The following TENM4 variants were observed in gnomAD, a reference collection of about 807,000 sequenced individuals.
TENM4 encodes the protein teneurin transmembrane protein 4, also known as teneurin-4.
A neutral mutation model predicts 243.3 loss-of-function variants in TENM4; 82 were observed. That is an observed-to-expected ratio of 0.34 (90% confidence interval 0.28 to 0.40). TENM4 has a LOEUF of 0.40. Among genes scored for constraint, TENM4 ranks in the 10% least tolerant of loss-of-function variants. The pLI is 1.00. For synonymous variants in TENM4, 1,412 were observed against 1,456.3 expected (o/e 0.97, Z 0.69); for missense variants, 3,138 against 3,673.3 (o/e 0.85, Z 3.77).
At chr11:79,116,421 A>C (rs564032385) in intron 4 of TENM4, among the ~76,000 whole-genome samples, 1 of 152,348 alleles carries the variant, frequency 6.6e-6, no homozygotes, top group South Asian at 2.1e-4. Context: ...GACAGATGCC[A>C]AATGCATGCT....
intron 2 of TENM4, among the ~76,000 whole-genome samples, chr11:79,228,510 C>T (rs959276364): frequency 2.0e-5 from 3 of 152,154 alleles, no homozygotes; most frequent in African/African-American, 4.8e-5. Context: ...CTTGCCACCT[C>T]GCCATCCCCA....
intron 21 of TENM4, among the ~76,000 whole-genome samples, chr11:78,730,369 T>C (rs565021858): frequency 2.0e-4 from 30 of 152,276 alleles, no homozygotes; most frequent in Middle Eastern, 6.8e-3. Flanking sequence ...CTACGAGATG[T>C]TGACCAAACA....
intron 4 of TENM4, among the ~76,000 whole-genome samples, chr11:79,135,825 T>C (rs1862100200): frequency 6.8e-6 from 1 of 148,012 alleles, no homozygotes; most frequent in Non-Finnish European, 1.5e-5. Context: ...TTCCATCATA[T>C]ATATCATATA....
chr11:79,093,814 A>T (rs1254736832), intron 4 of TENM4: 1 of 152,238 alleles, frequency 6.6e-6, no homozygotes, highest in Non-Finnish European at 1.5e-5. Context: ...TCTCAACTCA[A>T]TAAACACTAA....
chr11:79,190,078 C>T (rs187339703), intron 3 of TENM4, among the ~76,000 whole-genome samples: 26 of 152,344 alleles, frequency 1.7e-4, no homozygotes, highest in Non-Finnish European at 3.1e-4. Context: ...CTTCTCTGTG[C>T]TCCTACTGCA....
intron 1 of TENM4, among the ~76,000 whole-genome samples, chr11:79,319,835 CA>C (rs1391197357): frequency 6.6e-6 from 1 of 152,146 alleles, no homozygotes; most frequent in East Asian, 1.9e-4. Flanking sequence ...GCTAAGCCAG[CA>C]GCCCTCCAAC....
intron 6 of TENM4, among the ~76,000 whole-genome samples, chr11:79,004,390 G>T (rs79805369): frequency 6.6e-6 from 1 of 151,830 alleles, no homozygotes; most frequent in Non-Finnish European, 1.5e-5. Flanking sequence ...CACAATCATC[G>T]GCAAATTAAG....
intron 3 of TENM4, among the ~76,000 whole-genome samples, chr11:79,161,168 T>G (rs1041708339): frequency 6.6e-6 from 1 of 152,224 alleles, no homozygotes; most frequent in African/African-American, 2.4e-5. Context: ...CAAGCTTCTT[T>G]TATGCTTTGG....
In TENM4 at chr11:78,834,962, T is replaced by C. The variant is rs1467044995; in HGVS notation, c.1681+19142A>G. ...TACCTCCCTCAGCAGGGGCTCAGCATTCCGTGTCTCCACACTGCTAACTCC... is the reference window on the plus strand; with the variant it reads ...TACCTCCCTCAGCAGGGGCTCAGCACTCCGTGTCTCCACACTGCTAACTCC... On this transcript the variant is annotated intron_variant, in intron 12 of 33. Transcript: ENST00000278550. Among the ~76,000 whole-genome samples, 3 of 152,202 alleles carry C rather than the reference T, an allele frequency of 2.0e-5. No individual in the cohort carries two copies. The East Asian group carries it at 5.8e-4, about 29-fold the overall frequency.
rs141130337 is a variant in TENM4 at position 78,732,816 on chromosome 11, T to G, written c.2877-239A>C. Among the ~76,000 whole-genome samples, 685 of 152,340 alleles carry G rather than the reference T, an allele frequency of 4.5e-3. 2 individuals are homozygous for G. The highest frequency in any genetic ancestry group is 0.016 in the African/African-American group (650 of 41,584). On this transcript the variant is annotated intron_variant, in intron 20 of 33. Transcript: ENST00000278550. ...TAGAGAATTTGCTGAAATGAACCAC[T>G]GCTGTGGAGAGCCATTTTTCAGGAT...
intron 26 of TENM4, 85 bp from the exon 27 acceptor site, chr11:78,708,600 G>A: frequency 6.8e-7 from 1 of 1,470,408 alleles, no homozygotes; most frequent in Non-Finnish European, 9.2e-7. Flanking sequence ...AACTGACAGA[G>A]CACCTCCTCT....
chr11:79,333,668 G>C (rs1857098423), intron 1 of TENM4, among the ~76,000 whole-genome samples: 1 of 152,148 alleles, frequency 6.6e-6, no homozygotes, highest in African/African-American at 2.4e-5. Flanking sequence ...ACCATGTCTG[G>C]TCTTCAGATA....
intron 1 of TENM4, among the ~76,000 whole-genome samples, chr11:79,376,190 A>G (rs12270288): frequency 0.28 from 43,011 of 152,186 alleles, 6,205 homozygotes; most frequent in Middle Eastern, 0.34. Context: ...TGTCAGCTGC[A>G]GAGACTTGCA....
At chr11:78,889,416 G>A (rs932346644) in intron 9 of TENM4, among the ~76,000 whole-genome samples, 55 of 152,334 alleles carry the variant, frequency 3.6e-4, no homozygotes, top group Admixed American at 1.4e-3. Context: ...CTGCTGTTCA[G>A]CCTCTCCAAC....
intron 18 of TENM4, among the ~76,000 whole-genome samples, chr11:78,770,045 C>A (rs758159436): frequency 2.0e-5 from 3 of 152,188 alleles, no homozygotes; most frequent in Non-Finnish European, 4.4e-5. Flanking sequence ...ATTAGGGAGC[C>A]ACATAGACTT....
intron 14 of TENM4, among the ~76,000 whole-genome samples, chr11:78,806,918 C>A (rs1451321724): frequency 6.6e-6 from 1 of 152,202 alleles, no homozygotes; most frequent in African/African-American, 2.4e-5. Context: ...TTTGACTACT[C>A]TAGGTACTTA....
rs576244096 is a variant in TENM4 at position 79,066,768 on chromosome 11, A to G, written c.224-1761T>C. ...CACACACGCACGCACAAGCACGCACACACACACAAGCACATACTCTGGCAG... is the reference window on the plus strand; with the variant it reads ...CACACACGCACGCACAAGCACGCACGCACACACAAGCACATACTCTGGCAG... On this transcript the variant is annotated intron_variant, in intron 5 of 33. Transcript: ENST00000278550. 1.9e-3 allele frequency among the ~76,000 whole-genome samples: 286 copies of G among 152,232 alleles called. 11 individuals carry two copies. The South Asian group carries it at 0.049, about 26-fold the overall frequency.
intron 1 of TENM4, among the ~76,000 whole-genome samples, chr11:79,397,994 C>T (rs1858380223): frequency 6.6e-6 from 1 of 152,110 alleles, no homozygotes; most frequent in East Asian, 1.9e-4. Flanking sequence ...GACTATCATT[C>T]CCAGCGAGGA....
At chr11:79,028,174 G>A (rs1053298855) in intron 6 of TENM4, among the ~76,000 whole-genome samples, 1 of 152,180 alleles carries the variant, frequency 6.6e-6, no homozygotes, top group African/African-American at 2.4e-5. Context: ...CAGTTGTAAA[G>A]ATTTAGGGAG....
Sources: gnomAD v4.1 joint callset for allele counts (sites outside exome capture counted in the v4.1 genomes callset) on GRCh38, gnomAD v4.1.1 for gene constraint, MANE v1.5 for transcripts, NCBI Gene and HGNC (gene_info 2026-07-23, HGNC 2026-07-21) for gene names.